The following ZCWPW2 variants were observed in gnomAD, a reference collection of about 807,000 sequenced individuals.
The protein encoded by ZCWPW2 is zinc finger CW-type and PWWP domain containing 2, also known as zinc finger CW-type PWWP domain protein 2.
ZCWPW2 carries 45 observed loss-of-function variants against 46.6 expected under a neutral mutation model. That is an observed-to-expected ratio of 0.96 (90% confidence interval 0.76 to 1.24). ZCWPW2 has a LOEUF of 1.24. Among genes scored for constraint, ZCWPW2 ranks in the 50% most tolerant of loss-of-function variants. The pLI is 0.00. For missense variants in ZCWPW2, 429 were observed against 403.9 expected, an observed-to-expected ratio of 1.06 and a Z score of -0.53; for synonymous variants, 152 against 137.1, an observed-to-expected ratio of 1.11 and a Z score of -0.76.
At chr3:28,510,992 T>G in intron 6 of ZCWPW2, 1 of 451,232 alleles carries the variant, frequency 2.2e-6, no homozygotes, top group Non-Finnish European at 4.5e-6. Flanking sequence ...GTAGCTACAT[T>G]CTGGAACTTG....
At chr3:28,475,180 A>G (rs890886357) in intron 4 of ZCWPW2, among the ~76,000 whole-genome samples, 1 of 152,050 alleles carries the variant, frequency 6.6e-6, no homozygotes, top group African/African-American at 2.4e-5. Flanking sequence ...TTCTTTCTTG[A>G]CAGACTCTTC....
chr3:28,474,633 G>A (rs920661270), intron 4 of ZCWPW2, among the ~76,000 whole-genome samples: 25 of 151,558 alleles, frequency 1.6e-4, no homozygotes, highest in East Asian at 7.8e-4. Flanking sequence ...GCGCGCGCGC[G>A]CGCGCACATG....
At chr3:28,443,860 TC>T (rs1401607802) in intron 4 of ZCWPW2, among the ~76,000 whole-genome samples, 2 of 152,132 alleles carry the variant, frequency 1.3e-5, no homozygotes, top group Non-Finnish European at 2.9e-5. Context: ...TCTGGACCCT[TC>T]CAGCTAGGAT....
At chr3:28,422,141 C>T (rs955113531) in intron 3 of ZCWPW2, among the ~76,000 whole-genome samples, 1 of 151,952 alleles carries the variant, frequency 6.6e-6, no homozygotes, top group Non-Finnish European at 1.5e-5. Context: ...CCACAGCTGC[C>T]CCACCCTCAA....
intron 3 of ZCWPW2, among the ~76,000 whole-genome samples, chr3:28,422,859 C>G (rs1484464832): frequency 6.6e-6 from 1 of 152,136 alleles, no homozygotes; most frequent in Non-Finnish European, 1.5e-5. Flanking sequence ...GTTGCTTCAC[C>G]TCCCTGCCAG....
At chr3:28,386,015 A>G (rs1248698583) in intron 1 of ZCWPW2, among the ~76,000 whole-genome samples, 2 of 151,634 alleles carry the variant, frequency 1.3e-5, no homozygotes, top group Non-Finnish European at 2.9e-5. Context: ...TTCTCATACA[A>G]TTTATTTGTT....
chr3:28,489,124 G>T (rs1699710470), intron 5 of ZCWPW2, among the ~76,000 whole-genome samples: 1 of 151,996 alleles, frequency 6.6e-6, no homozygotes, highest in South Asian at 2.1e-4. Context: ...TGCCTTGTTA[G>T]AAAATTTACA....
At chr3:28,350,476 TG>T (rs1040393745) in intron 1 of ZCWPW2, among the ~76,000 whole-genome samples, 1 of 152,166 alleles carries the variant, frequency 6.6e-6, no homozygotes, top group Non-Finnish European at 1.5e-5. Context: ...CACTACACAG[TG>T]GGTTTATTAA....
chr3:28,472,902 A>G (rs1001379783), intron 4 of ZCWPW2, among the ~76,000 whole-genome samples: 5 of 152,116 alleles, frequency 3.3e-5, no homozygotes, highest in Admixed American at 3.3e-4. Context: ...CTAATAATCT[A>G]ATAAAAAAAT....
At chr3:28,384,824 C>G (rs1695216767) in intron 1 of ZCWPW2, among the ~76,000 whole-genome samples, 1 of 152,052 alleles carries the variant, frequency 6.6e-6, no homozygotes, top group African/African-American at 2.4e-5. Context: ...CCATGTTGGC[C>G]AGGCTGGTCT....
At chr3:28,474,586 C>CGTGTGTGTGT (rs71087699) in intron 4 of ZCWPW2, among the ~76,000 whole-genome samples, 2,036 of 136,116 alleles carry the variant, frequency 0.015, 14 homozygotes, top group Non-Finnish European at 0.019. Context: ...TTAAATACAG[C>CGTGTGTGTGT]GTGTGTGTGT....
intron 4 of ZCWPW2, among the ~76,000 whole-genome samples, chr3:28,454,206 T>C (rs1177089833): frequency 6.6e-6 from 1 of 152,216 alleles, no homozygotes; most frequent in Non-Finnish European, 1.5e-5. Context: ...TTCTTCCTTC[T>C]ACCTTATTTT....
chr3:28,378,071 T>C (rs1007186732), intron 1 of ZCWPW2, among the ~76,000 whole-genome samples: 1 of 152,070 alleles, frequency 6.6e-6, no homozygotes, highest in African/African-American at 2.4e-5. Context: ...TTCTTGGAGC[T>C]ATGCCAGAAA....
At chr3:28,483,393 A>G (rs1378405352) in intron 5 of ZCWPW2, among the ~76,000 whole-genome samples, 1 of 152,118 alleles carries the variant, frequency 6.6e-6, no homozygotes, top group Non-Finnish European at 1.5e-5. Context: ...CTGCAGTTTC[A>G]TAGTAAGTCT....
At chr3:28,392,510 C>T (rs140466204) in intron 2 of ZCWPW2, among the ~76,000 whole-genome samples, 32 of 152,214 alleles carry the variant, frequency 2.1e-4, no homozygotes, top group African/African-American at 7.0e-4. Context: ...TAGCACAAAA[C>T]ACATATCCTT....
At chr3:28,352,126 G>A (rs1267589113) in intron 1 of ZCWPW2, among the ~76,000 whole-genome samples, 4 of 129,702 alleles carry the variant, frequency 3.1e-5, no homozygotes, top group South Asian at 2.8e-4. Flanking sequence ...TCAGATGTAT[G>A]CACACACACA....
At chr3:28,472,246 A>G (rs1026093614) in intron 4 of ZCWPW2, among the ~76,000 whole-genome samples, 10 of 152,216 alleles carry the variant, frequency 6.6e-5, no homozygotes, top group African/African-American at 2.2e-4. Flanking sequence ...ATATGTAACC[A>G]CAAAAGGCTC....
intron 3 of ZCWPW2, among the ~76,000 whole-genome samples, chr3:28,433,063 GC>G (rs2125760974): frequency 6.6e-6 from 1 of 151,712 alleles, no homozygotes; most frequent in African/African-American, 2.4e-5. Context: ...TCATATGGTT[GC>G]CCCACTTCAA....
chr3:28,389,952 A>G (rs187671106), intron 1 of ZCWPW2, among the ~76,000 whole-genome samples: 1 of 152,336 alleles, frequency 6.6e-6, no homozygotes, highest in Admixed American at 6.5e-5. Context: ...GCTTTACTCA[A>G]AGTTCATCAA....
Sources: allele counts gnomAD v4.1 joint callset (sites outside exome capture counted in the v4.1 genomes callset), GRCh38; gene constraint gnomAD v4.1.1; transcripts MANE v1.5; gene names NCBI Gene and HGNC (gene_info 2026-07-23, HGNC 2026-07-21).